SORCS2: variants seen among roughly 807,000 people sequenced by gnomAD.
SORCS2 encodes VPS10 domain-containing receptor SorCS2.
A neutral mutation model predicts 141.6 loss-of-function variants in SORCS2; 100 were observed. The observed-to-expected ratio is 0.71, with a 90% CI of 0.60 to 0.83. SORCS2 has a LOEUF of 0.83. SORCS2 is among the 40% of genes least tolerant of loss of function. SORCS2 has a pLI of 0.00. For missense variants in SORCS2, 1,646 were observed against 1,560.2 expected (o/e 1.05, Z -0.93); for synonymous variants, 789 against 676.9 (o/e 1.17, Z -2.57).
At chr4:7,623,097 C>T (rs377305381) in intron 3 of SORCS2, among the ~76,000 whole-genome samples, 2 of 152,162 alleles carry the variant, frequency 1.3e-5, no homozygotes, top group African/African-American at 2.4e-5. Context: ...ATTACCCCCC[C>T]GACTGGCAGC....
At chr4:7,509,412 G>T (rs924449692) in intron 2 of SORCS2, among the ~76,000 whole-genome samples, 1 of 152,220 alleles carries the variant, frequency 6.6e-6, no homozygotes, top group East Asian at 1.9e-4. Flanking sequence ...GGGGCCACTT[G>T]TAAGTGCTCA....
intron 4 of SORCS2, among the ~76,000 whole-genome samples, chr4:7,651,468 C>G (rs1721444646): frequency 1.3e-5 from 2 of 152,188 alleles, no homozygotes; most frequent in South Asian, 4.1e-4. Context: ...CCACAAGGCC[C>G]CTCTGCTATC....
chr4:7,474,361 C>T (rs11736890), intron 2 of SORCS2, among the ~76,000 whole-genome samples: 20,992 of 152,220 alleles, frequency 0.14, 1,963 homozygotes, highest in South Asian at 0.25. Flanking sequence ...TCTTTATGGC[C>T]TGATGGGCTG....
intron 1 of SORCS2, among the ~76,000 whole-genome samples, chr4:7,218,201 A>G (rs749387327): frequency 2.0e-5 from 3 of 152,156 alleles, no homozygotes; most frequent in Non-Finnish European, 4.4e-5. Flanking sequence ...GAAATCCCCA[A>G]CGAGTAGATC....
At chr4:7,355,987 C>T (rs1246789362) in intron 1 of SORCS2, among the ~76,000 whole-genome samples, 26 of 152,240 alleles carry the variant, frequency 1.7e-4, no homozygotes, top group Admixed American at 1.4e-3. Context: ...CTGGGTTTCT[C>T]GGCTGCAGCC....
At chr4:7,550,465 G>T (rs570475516) in intron 3 of SORCS2, among the ~76,000 whole-genome samples, 3 of 152,352 alleles carry the variant, frequency 2.0e-5, no homozygotes, top group Non-Finnish European at 4.4e-5. Flanking sequence ...GGCGGCTTTG[G>T]TGGTGATCGG....
At chr4:7,300,537 G>A (rs939463295) in intron 1 of SORCS2, among the ~76,000 whole-genome samples, 2 of 152,196 alleles carry the variant, frequency 1.3e-5, no homozygotes, top group Non-Finnish European at 2.9e-5. Context: ...CGCCACCACG[G>A]CACTATTGTA....
chr4:7,265,561 C>A (rs150243861), intron 1 of SORCS2, among the ~76,000 whole-genome samples: 1 of 152,176 alleles, frequency 6.6e-6, no homozygotes, highest in Admixed American at 6.6e-5. Flanking sequence ...GCTCCTGCCT[C>A]TCCCAGCCAC....
chr4:7,333,695 C>T (rs1719805773), intron 1 of SORCS2, among the ~76,000 whole-genome samples: 1 of 152,218 alleles, frequency 6.6e-6, no homozygotes, highest in Non-Finnish European at 1.5e-5. Context: ...GGGCCCAGGT[C>T]TCCCCACAGG....
intron 2 of SORCS2, among the ~76,000 whole-genome samples, chr4:7,491,089 C>T (rs530163714): frequency 6.6e-6 from 1 of 152,288 alleles, no homozygotes; most frequent in South Asian, 2.1e-4. Flanking sequence ...AAACCATATC[C>T]ACTCCCCGGC....
At chr4:7,256,848 G>A (rs2108814395) in intron 1 of SORCS2, among the ~76,000 whole-genome samples, 1 of 152,062 alleles carries the variant, frequency 6.6e-6, no homozygotes, top group African/African-American at 2.4e-5. Context: ...GTCTGGCAGA[G>A]CCGGATAGGG....
intron 1 of SORCS2, among the ~76,000 whole-genome samples, chr4:7,295,455 G>C (rs867406317): frequency 6.6e-6 from 1 of 152,022 alleles, no homozygotes; most frequent in Admixed American, 6.5e-5. Context: ...CCTGTTCCTC[G>C]GCAATAGGGT....
intron 2 of SORCS2, among the ~76,000 whole-genome samples, chr4:7,501,736 GCTCT>G (rs1309768106): frequency 1.3e-5 from 2 of 152,138 alleles, no homozygotes; most frequent in African/African-American, 4.8e-5. Flanking sequence ...TCCTTCTCCT[GCTCT>G]CTCTTTTTAA....
chr4:7,617,368 A>C (rs1322324567), intron 3 of SORCS2, among the ~76,000 whole-genome samples: 1 of 151,656 alleles, frequency 6.6e-6, no homozygotes, highest in Non-Finnish European at 1.5e-5. Flanking sequence ...CTACCCATCC[A>C]CCCACCCACC....
chr4:7,586,320 T>C (rs1716534761), intron 3 of SORCS2, among the ~76,000 whole-genome samples: 1 of 152,198 alleles, frequency 6.6e-6, no homozygotes. Context: ...TGACGATGTT[T>C]TTTCTTCAAC....
intron 1 of SORCS2, among the ~76,000 whole-genome samples, chr4:7,256,714 A>G (rs1713903128): frequency 6.8e-6 from 1 of 146,096 alleles, no homozygotes; most frequent in African/African-American, 2.5e-5. Context: ...CCTGGCAGAA[A>G]TCAGCTGCGT....
Position 7,740,468 on chromosome 4 carries a change from G to A in SORCS2, c.*204G>A, listed in dbSNP as rs1367522535. ...CCACGGGACCCCCCGGGACTCCCCG[G>A]ACATGGCCCTGCCCCTATGGGACAC... On this transcript the variant is annotated 3_prime_UTR_variant, in exon 27 of 27. Coordinates refer to ENST00000507866, the MANE Select transcript of SORCS2 (RefSeq NM_020777.3). The A allele has an allele frequency of 8.5e-6, 5 of 586,686 alleles. No homozygotes were observed. The highest frequency in any genetic ancestry group is 3.0e-5 in the Admixed American group (1 of 33,828). 36.3% of individuals were successfully genotyped at this position (586,686 alleles called of 1,614,324 possible). A position where few individuals can be genotyped will look rare whatever the true frequency, so the allele number is the denominator to read the frequency against.
At chr4:7,415,514 C>T (rs7684383) in intron 2 of SORCS2, among the ~76,000 whole-genome samples, 7,190 of 152,288 alleles carry the variant, frequency 0.047, 211 homozygotes, top group African/African-American at 0.074. Context: ...TGGGGTGACA[C>T]TGGGCCCACC....
chr4:7,550,972 C>T (rs759761742), intron 3 of SORCS2, among the ~76,000 whole-genome samples: 11 of 152,188 alleles, frequency 7.2e-5, no homozygotes, highest in Non-Finnish European at 1.2e-4. Flanking sequence ...AAGCCCATCT[C>T]ATTTCAAAGC....
Sources: allele counts gnomAD v4.1 joint callset (sites outside exome capture counted in the v4.1 genomes callset), GRCh38; gene constraint gnomAD v4.1.1; transcripts MANE v1.5; gene names NCBI Gene and HGNC (gene_info 2026-07-23, HGNC 2026-07-21).